EPC2: variants seen among roughly 807,000 people sequenced by gnomAD.
EPC2 encodes enhancer of polycomb homolog 2.
Under a neutral mutation model 92.1 loss-of-function variants are expected in EPC2, and 14 were observed. The observed-to-expected ratio is 0.15, with a 90% CI of 0.10 to 0.24. The LOEUF is 0.24. Among genes scored for constraint, EPC2 ranks in the 10% least tolerant of loss-of-function variants. The probability of loss-of-function intolerance (pLI) is 1.00; values close to 1 mark genes in which losing one functional copy is unlikely to be tolerated. For missense variants in EPC2, 755 were observed against 971.5 expected, an observed-to-expected ratio of 0.78 and a Z score of 2.96; for synonymous variants, 340 against 334.7, an observed-to-expected ratio of 1.02 and a Z score of -0.17.
rs558835594 is a variant in EPC2, at chr2:148,681,016, CTT to C, written c.154-9196_154-9195del. On this transcript the variant is annotated intron_variant, in intron 1 of 13. Coordinates refer to ENST00000258484, the MANE Select transcript of EPC2 (RefSeq NM_015630.4). ...TGTTTGTCAAGCTCAAAAAATGAGA[CTT>C]TATCCTGTAGATGGTGGGCAACTTG... Among the ~76,000 whole-genome samples the C allele has an allele frequency of 1.9e-4, 29 of 152,250 alleles. No individual in the cohort carries two copies. The South Asian group carries it at 5.6e-3, about 29-fold the overall frequency.
In EPC2 at chr2:148,644,961, C is replaced by G. The variant is rs1275193752; in HGVS notation, c.-57C>G. ...GGAGGAGGCGGCGGGAGTCCTCCCC[C>G]CCTCCCCGCCCGCCCCGCCGCCGCC... On this transcript the variant is annotated 5_prime_UTR_variant, in exon 1 of 14. Transcript: ENST00000258484. The G allele has an allele frequency of 1.9e-5, 27 of 1,447,104 alleles. No homozygotes were observed. Among genetic ancestry groups the G allele is most frequent in the East Asian group, 2.5e-5 (1 of 40,230 alleles). The allele number at this position is 1,447,104 out of a possible 1,614,324, so 89.6% of individuals were successfully genotyped here. A position where few individuals can be genotyped will look rare whatever the true frequency, so the allele number is the denominator to read the frequency against.
At position 148,771,393 on chromosome 2, in the gene EPC2, C is replaced by G; in HGVS notation, c.1720+6C>G. 1.9e-6 allele frequency: 3 copies of G among 1,573,254 alleles called. No individual in the cohort carries two copies. Among genetic ancestry groups the G allele is most frequent in the Non-Finnish European group, 2.6e-6 (3 of 1,162,884 alleles). ...CAGCAAGAATGGCATATCAGGTAAGCTGTTGCTGTGTTAAAAGTATATCCT... is the reference window on the plus strand; with the variant it reads ...CAGCAAGAATGGCATATCAGGTAAGGTGTTGCTGTGTTAAAAGTATATCCT... On this transcript the variant is annotated splice_donor_region_variant and intron_variant, in intron 10 of 13. Transcript: ENST00000258484.
At chr2:148,662,321 A>G (rs1410419247) in intron 1 of EPC2, among the ~76,000 whole-genome samples, 1 of 152,222 alleles carries the variant, frequency 6.6e-6, no homozygotes, top group Non-Finnish European at 1.5e-5. Flanking sequence ...TACTGGGTAT[A>G]TACCCAAAGG....
At chr2:148,760,111 T>C (rs1044496407) in intron 4 of EPC2, among the ~76,000 whole-genome samples, 1 of 152,022 alleles carries the variant, frequency 6.6e-6, no homozygotes, top group Non-Finnish European at 1.5e-5. Context: ...GGTGTGATGG[T>C]GGATTCGTGT....
chr2:148,688,001 C>T (rs1404895854), intron 1 of EPC2, among the ~76,000 whole-genome samples: 4 of 152,040 alleles, frequency 2.6e-5, no homozygotes, highest in Non-Finnish European at 5.9e-5. Flanking sequence ...TCTTGCTGAA[C>T]GAAACTTTTC....
intron 10 of EPC2, among the ~76,000 whole-genome samples, chr2:148,775,013 C>T (rs1020485088): frequency 2.0e-5 from 3 of 150,708 alleles, no homozygotes; most frequent in Non-Finnish European, 4.4e-5. Context: ...GGCGTGAACC[C>T]GGGAGGCGGA....
intron 2 of EPC2, among the ~76,000 whole-genome samples, chr2:148,723,257 C>T (rs1029668287): frequency 6.6e-6 from 1 of 152,160 alleles, no homozygotes; most frequent in African/African-American, 2.4e-5. Context: ...AATGCTCTGG[C>T]ACATTTCAAA....
intron 7 of EPC2, among the ~76,000 whole-genome samples, chr2:148,767,091 C>T (rs1010312882): frequency 1.3e-5 from 2 of 151,526 alleles, no homozygotes; most frequent in South Asian, 2.1e-4. Context: ...CCAGCTACTC[C>T]GGAGGCTGAG....
chr2:148,782,127 A>G lies in EPC2; in HGVS notation c.1857+347A>G, dbSNP rs147931410. On this transcript the variant is annotated intron_variant, in intron 11 of 13. Transcript: ENST00000258484. Reference sequence around the variant, plus strand: ...GATAAAACTTTCCTAACCACTTCCTAAACTATGTGTTTAAGTGCATGTGGA... The same window carrying G: ...GATAAAACTTTCCTAACCACTTCCTGAACTATGTGTTTAAGTGCATGTGGA... Among the ~76,000 whole-genome samples, 39 of 152,272 alleles carry G rather than the reference A, an allele frequency of 2.6e-4. No individual in the cohort carries two copies. In the East Asian group the frequency reaches 6.9e-3, roughly 27 times the overall value.
intron 2 of EPC2, among the ~76,000 whole-genome samples, chr2:148,722,439 A>G (rs1435853890): frequency 6.6e-6 from 1 of 152,198 alleles, no homozygotes; most frequent in Non-Finnish European, 1.5e-5. Context: ...TGCATCACTA[A>G]TCATTAGAGA....
intron 4 of EPC2, among the ~76,000 whole-genome samples, chr2:148,758,150 C>T (rs1244229942): frequency 9.4e-6 from 1 of 106,190 alleles, no homozygotes; most frequent in Non-Finnish European, 1.7e-5. Context: ...ACCCATGAGT[C>T]CATACTGATG....
rs879739457 is a variant in EPC2 at position 148,739,830 on chromosome 2, C to CTTTTTTTTTTTTTTTTTTTTTTTTTT, written c.314-3790_314-3789insTTTTTTTTTTTTTTTTTTTTTTTTTT. 5.5e-4 allele frequency among the ~76,000 whole-genome samples: 53 copies of CTTTTTTTTTTTTTTTTTTTTTTTTTT among 96,670 alleles called. 3 individuals are homozygous for CTTTTTTTTTTTTTTTTTTTTTTTTTT. Among genetic ancestry groups the CTTTTTTTTTTTTTTTTTTTTTTTTTT allele is most frequent in the Middle Eastern group, 6.1e-3 (1 of 164 alleles). 63.4% of individuals were successfully genotyped at this position (96,670 alleles called of 152,430 possible). On this transcript the variant is annotated intron_variant, in intron 2 of 13. Transcript: ENST00000258484. ...TCTTTCTTCCTTTTCTTTTCTTCTT[C>CTTTTTTTTTTTTTTTTTTTTTTTTTT]TTCTTTTTTTTTTTTTTTTTTTTTT...
chr2:148,695,611 C>T (rs1681731365), intron 2 of EPC2, among the ~76,000 whole-genome samples: 1 of 152,072 alleles, frequency 6.6e-6, no homozygotes, highest in African/African-American at 2.4e-5. Flanking sequence ...CTGCATTATG[C>T]AAAAAATGAT....
At chr2:148,685,297 T>G (rs1681492099) in intron 1 of EPC2, among the ~76,000 whole-genome samples, 1 of 152,160 alleles carries the variant, frequency 6.6e-6, no homozygotes, top group African/African-American at 2.4e-5. Flanking sequence ...TAAGGAGTTC[T>G]CTGCTCTTAC....
intron 1 of EPC2, among the ~76,000 whole-genome samples, chr2:148,647,104 C>A (rs980752363): frequency 1.3e-5 from 2 of 151,850 alleles, no homozygotes; most frequent in South Asian, 4.1e-4. Flanking sequence ...AGCGAGACTC[C>A]GTCCCCCCCA....
chr2:148,654,479 A>G (rs1680749558), intron 1 of EPC2, among the ~76,000 whole-genome samples: 2 of 152,096 alleles, frequency 1.3e-5, no homozygotes, highest in South Asian at 4.1e-4. Flanking sequence ...GCAACATAGT[A>G]TGGCTTCGTG....
chr2:148,691,733 A>C, intron 2 of EPC2: 1 of 1,010,324 alleles, frequency 9.9e-7, no homozygotes, highest in Non-Finnish European at 1.5e-6. Context: ...GATCTGCTCA[A>C]GGTTCAGTTC....
At chr2:148,671,150 A>G (rs1340720811) in intron 1 of EPC2, among the ~76,000 whole-genome samples, 1 of 152,198 alleles carries the variant, frequency 6.6e-6, no homozygotes, top group Non-Finnish European at 1.5e-5. Flanking sequence ...TGATAGTGGT[A>G]TATTAAAGTT....
In EPC2 at chr2:148,689,550, G is replaced by A. The variant is rs193140522; in HGVS notation, c.154-664G>A. Among the ~76,000 whole-genome samples the A allele has an allele frequency of 2.2e-3, 328 of 152,178 alleles. 15 individuals carry two copies. The highest frequency in any genetic ancestry group is 0.02 in the Admixed American group (306 of 15,292). On this transcript the variant is annotated intron_variant, in intron 1 of 13. Transcript: ENST00000258484. Reference sequence around the variant, plus strand: ...CTTTATGGGGTGGGTGGCATGACACGATTTACCTTCCAAAAGGTAAAACTG... The same window carrying A: ...CTTTATGGGGTGGGTGGCATGACACAATTTACCTTCCAAAAGGTAAAACTG...
Sources: allele counts gnomAD v4.1 joint callset (sites outside exome capture counted in the v4.1 genomes callset), GRCh38; gene constraint gnomAD v4.1.1; transcripts MANE v1.5; gene names NCBI Gene and HGNC (gene_info 2026-07-23, HGNC 2026-07-21).